The following ARMC2 variants were observed in gnomAD, a reference collection of about 807,000 sequenced individuals.
ARMC2 encodes the protein armadillo repeat-containing protein 2.
Under a neutral mutation model 90.3 loss-of-function variants are expected in ARMC2, and 67 were observed. The ratio of observed to expected loss-of-function variants is 0.74; its 90% confidence interval spans 0.61 to 0.91. The LOEUF (loss-of-function observed/expected upper bound fraction) is 0.91, where lower values mean the gene tolerates loss of function less well. ARMC2 is among the 40% of genes least tolerant of loss of function. The pLI, the probability that ARMC2 is intolerant of heterozygous loss-of-function variation, is 0.00. For synonymous variants in ARMC2, 393 were observed against 393.0 expected, an observed-to-expected ratio of 1.00 and a Z score of 0.00; for missense variants, 920 against 1,030.9, an observed-to-expected ratio of 0.89 and a Z score of 1.47.
intron 5 of ARMC2, among the ~76,000 whole-genome samples, chr6:108,885,227 G>GATGTGT (rs1777964734): frequency 6.7e-6 from 1 of 149,714 alleles, no homozygotes; most frequent in African/African-American, 2.5e-5. Context: ...GGTGCCAAGG[G>GATGTGT]GTGTGTGTGT....
At chr6:109,044,355 A>C in the ARMC2 span, among the ~76,000 whole-genome samples, 2 of 146,786 alleles carry the variant, frequency 1.4e-5, no homozygotes, top group African/African-American at 2.5e-5. Context: ...AAAAAGGAGT[A>C]CAGGCAATTC....
intron 15 of ARMC2, among the ~76,000 whole-genome samples, chr6:108,963,197 A>G (rs1305415733): frequency 3.9e-5 from 6 of 152,168 alleles, no homozygotes; most frequent in Non-Finnish European, 7.4e-5. Flanking sequence ...ACATGTTTAT[A>G]CCCTTTGTAT....
the ARMC2 span, among the ~76,000 whole-genome samples, chr6:109,032,603 G>A: frequency 1.4e-5 from 2 of 147,466 alleles, no homozygotes; most frequent in Non-Finnish European, 2.9e-5. Flanking sequence ...GGGTGACAGA[G>A]CAAGACTTCA....
the ARMC2 span, among the ~76,000 whole-genome samples, chr6:109,010,446 C>CA: frequency 3.9e-5 from 6 of 151,910 alleles, no homozygotes; most frequent in Admixed American, 3.3e-4. Flanking sequence ...GGTTAAAAAA[C>CA]AAAAAAAGTT....
chr6:108,860,094 G>A (rs1437631833), intron 3 of ARMC2, among the ~76,000 whole-genome samples: 1 of 150,868 alleles, frequency 6.6e-6, no homozygotes, highest in African/African-American at 2.4e-5. Context: ...TCTTTTTGTG[G>A]AAGAGACTGT....
chr6:108,950,475 A>G (rs1777102357), intron 12 of ARMC2, among the ~76,000 whole-genome samples: 3 of 152,180 alleles, frequency 2.0e-5, no homozygotes, highest in Admixed American at 6.5e-5. Context: ...CCTTTGCAGA[A>G]ACATGGATAG....
rs1562372417 is a variant in ARMC2 at position 108,904,406 on chromosome 6, G to A, written c.1023+1G>A. On this transcript the variant is annotated splice_donor_variant, in intron 8 of 17. Transcript: ENST00000392644. LOFTEE classifies it high-confidence loss of function. The stretch of plus-strand genomic sequence containing the variant: ...TAAACTTGCAAAAATAATTCTAGCA[G>A]TAAGTTTTTCTTTCCTCTGGTCTAG... The A allele has an allele frequency of 6.3e-7, 1 of 1,599,112 alleles. No individual in the cohort carries two copies. The highest frequency in any genetic ancestry group is 8.5e-7 in the Non-Finnish European group (1 of 1,175,246).
chr6:108,855,845 A>G (rs1774534114), intron 2 of ARMC2, among the ~76,000 whole-genome samples: 1 of 152,070 alleles, frequency 6.6e-6, no homozygotes, highest in East Asian at 1.9e-4. Flanking sequence ...TATTTTACAT[A>G]TGTATGTCTT....
chr6:108,891,839 G>C (rs1348918580), intron 5 of ARMC2, among the ~76,000 whole-genome samples: 1 of 152,160 alleles, frequency 6.6e-6, no homozygotes, highest in African/African-American at 2.4e-5. Flanking sequence ...TGTCCTGAAT[G>C]GTATTGCCTA....
intron 11 of ARMC2, among the ~76,000 whole-genome samples, chr6:108,929,629 G>A (rs1775367301): frequency 6.6e-6 from 1 of 152,018 alleles, no homozygotes; most frequent in Non-Finnish European, 1.5e-5. Flanking sequence ...ACAGGTGCAC[G>A]CCAACATGCT....
chr6:109,015,976 G>A, the ARMC2 span, among the ~76,000 whole-genome samples: 3 of 152,114 alleles, frequency 2.0e-5, no homozygotes, highest in East Asian at 3.8e-4. Flanking sequence ...TTTTAAATAC[G>A]AGGAATTAGC....
the ARMC2 span, among the ~76,000 whole-genome samples, chr6:109,042,991 T>C: frequency 6.6e-6 from 1 of 152,130 alleles, no homozygotes; most frequent in Non-Finnish European, 1.5e-5. Context: ...AAAAGCATTA[T>C]ATATCAAGAT....
At chr6:108,899,838 T>TA (rs747696292) in intron 7 of ARMC2, 46 bp downstream of exon 7, 42 of 1,408,544 alleles carry the variant, frequency 3.0e-5, no homozygotes, top group East Asian at 1.6e-4. Context: ...GTTTTTTTTT[T>TA]AAAAAATACC....
chr6:108,870,549 AAGGAAGAGAGGGAAGG>A (rs1489010875), intron 4 of ARMC2, among the ~76,000 whole-genome samples: 7 of 150,950 alleles, frequency 4.6e-5, no homozygotes, highest in Non-Finnish European at 8.9e-5. Flanking sequence ...GGAAGGAAGG[AAGGAAGAGAGGGAAGG>A]AGAGAGGGAA....
At chr6:108,997,874 A>G in the ARMC2 span, among the ~76,000 whole-genome samples, 1 of 152,190 alleles carries the variant, frequency 6.6e-6, no homozygotes, top group African/African-American at 2.4e-5. Context: ...CAGGAATTAA[A>G]ATTTGCTTAT....
chr6:109,007,193 T>C, the ARMC2 span, among the ~76,000 whole-genome samples: 6 of 152,232 alleles, frequency 3.9e-5, no homozygotes, highest in African/African-American at 1.4e-4. Flanking sequence ...TGAAAATTCG[T>C]AGTGAATGTT....
intron 10 of ARMC2, among the ~76,000 whole-genome samples, chr6:108,917,520 AAAT>A (rs1774089507): frequency 6.6e-6 from 1 of 152,334 alleles, no homozygotes; most frequent in Admixed American, 6.5e-5. Context: ...ATAGTTCAGA[AAAT>A]AATAAATGAT....
chr6:109,001,367 C>T, the ARMC2 span: 1 of 1,613,648 alleles, frequency 6.2e-7, no homozygotes, highest in Non-Finnish European at 8.5e-7. Context: ...TTTTAAGAAA[C>T]TTTCTAAATA....
At chr6:108,936,262 GTTTGTTTGT>G (rs1775951379) in intron 11 of ARMC2, among the ~76,000 whole-genome samples, 1 of 151,734 alleles carries the variant, frequency 6.6e-6, no homozygotes, top group African/African-American at 2.4e-5. Context: ...TTGTTTGTTT[GTTTGTTTGT>G]TTTGAGGCAG....
Sources: gnomAD v4.1 joint callset for allele counts (sites outside exome capture counted in the v4.1 genomes callset) on GRCh38, gnomAD v4.1.1 for gene constraint, MANE v1.5 for transcripts, NCBI Gene and HGNC (gene_info 2026-07-23, HGNC 2026-07-21) for gene names.